The following SMC4 variants were observed in gnomAD, a reference collection of about 807,000 sequenced individuals.
SMC4 encodes the protein structural maintenance of chromosomes protein 4.
A neutral mutation model predicts 145.6 loss-of-function variants in SMC4; 87 were observed. The ratio of observed to expected loss-of-function variants is 0.60; its 90% CI spans 0.50 to 0.71. The LOEUF is 0.71. Ranked by LOEUF, SMC4 falls within the 30% of genes least tolerant of loss-of-function variation. The pLI is 0.00. For synonymous variants in SMC4, 558 were observed against 500.7 expected, an observed-to-expected ratio of 1.11 and a Z score of -1.53; for missense variants, 1,447 against 1,537.1, an observed-to-expected ratio of 0.94 and a Z score of 0.98.
intron 5 of SMC4, among the ~76,000 whole-genome samples, chr3:160,408,173 GAGA>G (rs1388142285): frequency 5.3e-5 from 8 of 151,978 alleles, no homozygotes; most frequent in Non-Finnish European, 1.2e-4. Context: ...TAAAAATAAA[GAGA>G]AGAATAATTG....
intron 11 of SMC4, among the ~76,000 whole-genome samples, chr3:160,419,108 T>G (rs975146306): frequency 6.6e-6 from 1 of 152,206 alleles, no homozygotes; most frequent in African/African-American, 2.4e-5. Context: ...ATGAACTGTT[T>G]GCTCCTGAAA....
At chr3:160,403,460 T>C (rs936930098) in intron 4 of SMC4, among the ~76,000 whole-genome samples, 1 of 152,154 alleles carries the variant, frequency 6.6e-6, no homozygotes, top group African/African-American at 2.4e-5. Context: ...TTTAATAATG[T>C]AGGAAATTGA....
intron 5 of SMC4, among the ~76,000 whole-genome samples, chr3:160,409,934 G>T (rs1023243624): frequency 2.2e-4 from 33 of 152,082 alleles, no homozygotes; most frequent in African/African-American, 8.0e-4. Context: ...AGATTAGCTG[G>T]GTGTGGTGGT....
At chr3:160,429,129 A>C (rs1001213230) in intron 18 of SMC4, among the ~76,000 whole-genome samples, 187 bp downstream of exon 18, 1 of 152,194 alleles carries the variant, frequency 6.6e-6, no homozygotes, top group Non-Finnish European at 1.5e-5. Flanking sequence ...TGGCCAATTA[A>C]AAAGGCTGGT....
At position 160,433,904 on chromosome 3, in the gene SMC4, A is replaced by C; in HGVS notation, c.*95A>C. On this transcript the variant is annotated 3_prime_UTR_variant, in exon 24 of 24. Coordinates refer to ENST00000357388, the MANE Select transcript of SMC4 (RefSeq NM_001002800.3). ...GAGTTGTATAAAATACATACTCCCT[A>C]AACTAGATCATGAAACTGGTTTCTG... 1 of 847,558 alleles carries C rather than the reference A, an allele frequency of 1.2e-6. No individual in the cohort carries two copies. The highest frequency in any genetic ancestry group is 1.8e-6 in the Non-Finnish European group (1 of 547,068). 52.5% of individuals were successfully genotyped at this position (847,558 alleles called of 1,614,324 possible).
At chr3:160,432,927 C>T in intron 22 of SMC4, 99 bp from the exon 23 acceptor site, 3 of 781,708 alleles carry the variant, frequency 3.8e-6, no homozygotes, top group East Asian at 5.0e-5. Context: ...GTTACAGATT[C>T]CTAAAAAAGA....
At chr3:160,423,399 T>TTGTTTGTTTGTTTG (rs1717412767) in intron 13 of SMC4, 26 bp from the exon 14 acceptor site, 1 of 1,357,348 alleles carries the variant, frequency 7.4e-7, no homozygotes, top group Non-Finnish European at 1.0e-6. Context: ...ACTGTTGTTT[T>TTGTTTGTTTGTTTG]TGTTTGTTTG....
Position 160,433,899 on chromosome 3 carries a change from TC to T in SMC4, c.*93del. The T allele has an allele frequency of 2.2e-6, 2 of 895,140 alleles. No individual in the cohort carries two copies. Among genetic ancestry groups the T allele is most frequent in the Non-Finnish European group, 3.4e-6 (2 of 585,438 alleles). The allele number at this position is 895,140 out of a possible 1,614,324, so 55.4% of individuals were successfully genotyped here. The stretch of plus-strand genomic sequence containing the variant: ...ATTATGAGTTGTATAAAATACATAC[TC>T]CCTAAACTAGATCATGAAACTGGTT... On this transcript the variant is annotated 3_prime_UTR_variant, in exon 24 of 24. Coordinates refer to ENST00000357388, the MANE Select transcript of SMC4 (RefSeq NM_001002800.3).
intron 10 of SMC4, 108 bp downstream of exon 10, chr3:160,416,523 T>C: frequency 3.2e-6 from 2 of 632,720 alleles, no homozygotes; most frequent in Non-Finnish European, 2.6e-6. Context: ...TTTGGACTTT[T>C]AATGTCCAAC....
intron 5 of SMC4, among the ~76,000 whole-genome samples, chr3:160,406,075 T>C (rs1185946316): frequency 6.6e-6 from 1 of 152,124 alleles, no homozygotes; most frequent in Non-Finnish European, 1.5e-5. Context: ...TAATGTAATA[T>C]TGTCCCAACG....
At chr3:160,401,019 A>G (rs925210591) in intron 2 of SMC4, 54 bp downstream of exon 2, 495 of 1,361,358 alleles carry the variant, frequency 3.6e-4, no homozygotes, top group Non-Finnish European at 4.5e-4. Context: ...CTGGCAGGCA[A>G]ACGCGCCCAG....
chr3:160,421,264 C>G (rs1173848410), intron 13 of SMC4, among the ~76,000 whole-genome samples: 1 of 151,940 alleles, frequency 6.6e-6, no homozygotes, highest in African/African-American at 2.4e-5. Flanking sequence ...GTGTGTTTTT[C>G]TTTTTGGATT....
chr3:160,426,281 T>C, intron 17 of SMC4, 81 bp downstream of exon 17: 8 of 1,037,918 alleles, frequency 7.7e-6, no homozygotes, highest in Non-Finnish European at 1.2e-5. Flanking sequence ...AGCAGTAGAA[T>C]AATAATAGAA....
At chr3:160,425,976 G>T in intron 16 of SMC4, 98 bp from the exon 17 acceptor site, 1 of 899,818 alleles carries the variant, frequency 1.1e-6, no homozygotes, top group Non-Finnish European at 1.7e-6. Context: ...ATTAGTGTGT[G>T]TCTTTTTCTT....
At chr3:160,411,719 C>T in intron 5 of SMC4, 1 of 424,690 alleles carries the variant, frequency 2.4e-6, no homozygotes, top group Non-Finnish European at 4.2e-6. Flanking sequence ...TTCATATCTC[C>T]CTGTGTAAAA....
chr3:160,432,173 G>A, intron 21 of SMC4, 110 bp from the exon 22 acceptor site: 1 of 861,326 alleles, frequency 1.2e-6, no homozygotes, highest in Non-Finnish European at 1.8e-6. Context: ...TTGCACTCCA[G>A]CCTGGGCGTC....
intron 5 of SMC4, among the ~76,000 whole-genome samples, chr3:160,408,104 T>C (rs1223480400): frequency 3.9e-5 from 6 of 152,234 alleles, no homozygotes; most frequent in Non-Finnish European, 2.9e-5. Context: ...TTAATTTTTA[T>C]GCAAACACTC....
chr3:160,416,945 C>T (rs1190018457), intron 10 of SMC4, among the ~76,000 whole-genome samples: 1 of 151,968 alleles, frequency 6.6e-6, no homozygotes, highest in Admixed American at 6.6e-5. Context: ...ATAAATATAT[C>T]TATATAACGT....
intron 5 of SMC4, among the ~76,000 whole-genome samples, chr3:160,411,042 A>C (rs1310974119): frequency 1.3e-5 from 2 of 152,196 alleles, no homozygotes; most frequent in African/African-American, 4.8e-5. Context: ...ACTCAGACAC[A>C]ATTTTCTCTC....
Sources: gnomAD v4.1 joint callset for allele counts (sites outside exome capture counted in the v4.1 genomes callset) on GRCh38, gnomAD v4.1.1 for gene constraint, MANE v1.5 for transcripts, NCBI Gene and HGNC (gene_info 2026-07-23, HGNC 2026-07-21) for gene names.